The following INF2 variants were observed in gnomAD, a reference collection of about 807,000 sequenced individuals.
The protein encoded by INF2 is inverted formin-2.
In INF2, 43 loss-of-function variants were observed where a neutral mutation model predicts 123.5. The ratio of observed to expected loss-of-function variants is 0.35; its 90% CI spans 0.27 to 0.45. The LOEUF is 0.45. INF2 is among the 20% of genes least tolerant of loss of function. The probability of loss-of-function intolerance (pLI) is 1.00; values close to 1 mark genes in which losing one functional copy is unlikely to be tolerated. For synonymous variants in INF2, 851 were observed against 745.0 expected, an observed-to-expected ratio of 1.14 and a Z score of -2.32; for missense variants, 1,453 against 1,682.7, an observed-to-expected ratio of 0.86 and a Z score of 2.39.
chr14:104,714,275 C>T lies in INF2; in HGVS notation c.3113C>T (p.Ala1038Val). 6.3e-7 allele frequency: 1 copy of T among 1,595,028 alleles called. No individual in the cohort carries two copies. The highest frequency in any genetic ancestry group is 8.5e-7 in the Non-Finnish European group (1 of 1,172,376). The part of the protein sequence containing the change: ...RCPASEPGLD[A>V]TTASESRGWD... ...CCCGCCTCTGAGCCCGGCCTTGATG[C>T]TACAACAGCCAGCGAGTCCCGGGGC... is the stretch of plus-strand genomic sequence containing the variant. Residue 1038 changes from alanine (A) to valine (V), a missense_variant, in exon 21 of 23, where the codon GCT becomes GTT. Physicochemically the swap from Ala to Val is moderately conservative, Grantham distance 64. Transcript: ENST00000392634.
upstream of INF2, among the ~76,000 whole-genome samples, chr14:104,686,088 G>A (rs1365676232): frequency 3.3e-5 from 5 of 150,418 alleles, no homozygotes; most frequent in South Asian, 2.1e-4. Context: ...TGGATCAGTC[G>A]GTGGGTAGGT....
intron 22 of INF2, among the ~76,000 whole-genome samples, chr14:104,717,170 G>C (rs1424406926): frequency 1.3e-5 from 2 of 152,200 alleles, no homozygotes; most frequent in Admixed American, 1.3e-4. Flanking sequence ...TCATGGCACT[G>C]GAGCCCTAAA....
Position 104,718,936 on chromosome 14 carries a change from C to T in INF2, c.*143C>T. 2.7e-6 allele frequency: 4 copies of T among 1,457,350 alleles called. No homozygotes were observed. The highest frequency in any genetic ancestry group is 3.6e-6 in the Non-Finnish European group (4 of 1,110,204). 90.3% of individuals were successfully genotyped at this position (1,457,350 alleles called of 1,614,324 possible). On this transcript the variant is annotated 3_prime_UTR_variant, in exon 23 of 23. Transcript: ENST00000392634. Reference sequence around the variant, plus strand: ...CTCCGTGCCTTACCCAGCCGGGGCCCTCCTGGAGCCTTCTTGGGGTGTTGT... The same window carrying T: ...CTCCGTGCCTTACCCAGCCGGGGCCTTCCTGGAGCCTTCTTGGGGTGTTGT...
chr14:104,685,306 C>T (rs1299507961), upstream of INF2, among the ~76,000 whole-genome samples: 1 of 152,134 alleles, frequency 6.6e-6, no homozygotes, highest in Non-Finnish European at 1.5e-5. Context: ...CTACCTCCTG[C>T]AGCCAGACAC....
At position 104,706,922 on chromosome 14, in the gene INF2, C is replaced by T. The variant is rs1281457965; in HGVS notation, c.856C>T (p.Pro286Ser). ...CTCGCCCGTCCAGGTGAGCTGCTCC[C>T]CGGTGTCTGCCCAGCTCCTGTCGGT... is the stretch of plus-strand genomic sequence containing the variant. Reference protein sequence around the residue: ...ASLFHKVSCSPVSAQLLSVLQ... With the variant: ...ASLFHKVSCSSVSAQLLSVLQ... Residue 286 changes from proline (P) to serine (S), a missense_variant, in exon 7 of 23, where the codon CCG becomes TCG. By Grantham distance (74) the Pro-to-Ser change is moderately conservative (BLOSUM62 -1). Transcript: ENST00000392634. The T allele has an allele frequency of 6.2e-7, 1 of 1,604,350 alleles. No homozygotes were observed. Among genetic ancestry groups the T allele is most frequent in the Non-Finnish European group, 8.5e-7 (1 of 1,179,340 alleles).
rs1172388297 is a variant in INF2, at chr14:104,719,088, G to C, written c.*295G>C. 1.8e-6 allele frequency: 1 copy of C among 550,856 alleles called. No individual in the cohort carries two copies. The highest frequency in any genetic ancestry group is 3.2e-5 in the East Asian group (1 of 31,070). The allele number at this position is 550,856 out of a possible 1,614,324, so 34.1% of individuals were successfully genotyped here. ...CCCACACCCGCATGCGCCCGGTGCA[G>C]CCTGCCAAGGGCCAGTCGGGGGGTG... is the stretch of plus-strand genomic sequence containing the variant. On this transcript the variant is annotated 3_prime_UTR_variant, in exon 23 of 23. Transcript: ENST00000392634.
chr14:104,697,195 C>T (rs7140154), intron 1 of INF2, among the ~76,000 whole-genome samples: 51,458 of 152,196 alleles, frequency 0.34, 11,598 homozygotes, highest in African/African-American at 0.63. Flanking sequence ...CCTCCAGGCC[C>T]ATTGGTGCTG....
chr14:104,701,378 G>A lies in INF2; in HGVS notation c.13G>A (p.Glu5Lys). The A allele has an allele frequency of 6.3e-7, 1 of 1,584,944 alleles. No individual in the cohort carries two copies. The highest frequency in any genetic ancestry group is 8.6e-7 in the Non-Finnish European group (1 of 1,164,846). The change falls in exon 2 of 23, where the codon GAG becomes AAG. Residue 5 changes from glutamate to lysine, a missense_variant. By Grantham distance (56) the Glu-to-Lys change is moderately conservative. Coordinates refer to ENST00000392634, the MANE Select transcript of INF2 (RefSeq NM_022489.4). Reference sequence around the variant, plus strand: ...GCAGCTCGGCAAGATGTCGGTGAAGGAGGGCGCACAGCGCAAGTGGGCAGC... The same window carrying A: ...GCAGCTCGGCAAGATGTCGGTGAAGAAGGGCGCACAGCGCAAGTGGGCAGC... MSVK[E>K]GAQRKWAALK...
rs1890512979 is a variant in INF2, at chr14:104,720,494, C to A, written c.*1701C>A. On this transcript the variant is annotated 3_prime_UTR_variant, in exon 23 of 23. Coordinates refer to ENST00000392634, the MANE Select transcript of INF2 (RefSeq NM_022489.4). Reference sequence around the variant, plus strand: ...CTGCGTCGTCCTCGTGTGGATGCTGCTGTGGACATCTGCGTAGTCTCGTGT... The same window carrying A: ...CTGCGTCGTCCTCGTGTGGATGCTGATGTGGACATCTGCGTAGTCTCGTGT... The A allele has an allele frequency of 1.8e-5, 1 of 55,680 alleles. No individual in the cohort carries two copies. The highest frequency in any genetic ancestry group is 2.8e-5 in the Non-Finnish European group (1 of 35,168). The allele number at this position is 55,680 out of a possible 1,614,324, so 3.4% of individuals were successfully genotyped here. A position where few individuals can be genotyped will look rare whatever the true frequency, so the allele number is the denominator to read the frequency against.
intron 8 of INF2, 131 bp from the exon 9 acceptor site, chr14:104,708,305 C>T (rs766914382): frequency 5.4e-5 from 65 of 1,213,674 alleles, no homozygotes; most frequent in South Asian, 1.4e-4. Flanking sequence ...GCCTGCTGTA[C>T]GCTGGACCTG....
At position 104,713,452 on chromosome 14, in the gene INF2, G is replaced by C. The variant is rs768809327; in HGVS notation, c.2886G>C (p.Lys962Asn). ...GTGCCCCACGCTCCTCAGTCAGGAA[G>C]GGGCCCGGGAAGCAGGAGGAGGTGT... The part of the protein sequence containing the change: ...PRGEDGKPVR[K>N]GPGKQEEVCV... The change falls in exon 20 of 23, where the codon AAG becomes AAC. Residue 962 changes from lysine (K) to asparagine (N), a missense_variant. By Grantham distance (94) the Lys-to-Asn change is moderately conservative (BLOSUM62 0). Around this residue, in one of 8 missense-constraint regions of INF2, gnomAD observed 212 missense variants for 266.2 expected, o/e 0.80. Coordinates refer to ENST00000392634, the MANE Select transcript of INF2 (RefSeq NM_022489.4). The C allele has an allele frequency of 6.8e-6, 11 of 1,610,624 alleles. No homozygotes were observed. Among genetic ancestry groups the C allele is most frequent in the Non-Finnish European group, 9.3e-6 (11 of 1,179,090 alleles).
At chr14:104,710,904 A>G (rs1489918977) in intron 13 of INF2, 33 bp from the exon 14 acceptor site, 1 of 1,600,436 alleles carries the variant, frequency 6.2e-7, no homozygotes, top group Non-Finnish European at 8.5e-7. Flanking sequence ...CTCCGAACCA[A>G]GAGCCCCTCT....
intron 8 of INF2, 137 bp from the exon 9 acceptor site, chr14:104,708,299 G>C (rs1271732881): frequency 1.8e-6 from 2 of 1,141,306 alleles, no homozygotes; most frequent in Non-Finnish European, 2.5e-6. Context: ...TAGGGTGCCT[G>C]CTGTACGCTG....
At chr14:104,685,091 C>T (rs528822449), upstream of INF2, among the ~76,000 whole-genome samples, 10 of 152,236 alleles carry the variant, frequency 6.6e-5, no homozygotes, top group African/African-American at 2.2e-4. Flanking sequence ...TACATTTTAG[C>T]GAGTAGGCAA....
Position 104,684,116 on chromosome 14 carries a change from G to A in INF2, c.-104+2534G>A. The A allele has an allele frequency of 2.2e-6, 1 of 456,020 alleles. No individual in the cohort carries two copies. Among genetic ancestry groups the A allele is most frequent in the South Asian group, 1.5e-5 (1 of 64,560 alleles). 28.2% of individuals were successfully genotyped at this position (456,020 alleles called of 1,614,324 possible). A position where few individuals can be genotyped will look rare whatever the true frequency, so the allele number is the denominator to read the frequency against. ...TGGCACGGACCCCCGACATAAGACA[G>A]TTCAAAGCTGAGCGGCTCTCCCCAT... On this transcript the variant is annotated intron_variant, in intron 1 of 2. Coordinates refer to the INF2 transcript ENST00000674723. This position sits in a 1 kb window ranked among gnomAD's most constrained non-coding sequence, Gnocchi z 5.0.
chr14:104,686,057 A>C (rs1888654907), upstream of INF2, among the ~76,000 whole-genome samples: 1 of 141,584 alleles, frequency 7.1e-6, no homozygotes, highest in Non-Finnish European at 1.5e-5. Context: ...ATAGATGGGC[A>C]GATGGATGGA....
chr14:104,714,764 C>T lies in INF2; in HGVS notation c.3602C>T (p.Ser1201Phe), dbSNP rs1235517512. ...TTCTCCGAGGATGCGGTGACCGACT[C>T]CTCGGGGTCGGGCACACTCCCCAGG... is the stretch of plus-strand genomic sequence containing the variant. Reference protein sequence around the residue: ...KSFSEDAVTDSSGSGTLPRAR... With the variant: ...KSFSEDAVTDFSGSGTLPRAR... The change falls in exon 21 of 23, where the codon TCC becomes TTC. Residue 1201 changes from serine to phenylalanine, a missense_variant. Around this residue, in one of 8 missense-constraint regions of INF2, gnomAD observed 344 missense variants for 333.1 expected, o/e 1.03. Transcript: ENST00000392634. 7 of 1,600,184 alleles carry T rather than the reference C, an allele frequency of 4.4e-6. No individual in the cohort carries two copies. The highest frequency in any genetic ancestry group is 5.1e-6 in the Non-Finnish European group (6 of 1,174,268).
rs769955462 is a variant in INF2, at chr14:104,714,707, A to G, written c.3545A>G (p.Glu1182Gly). The G allele has an allele frequency of 6.2e-7, 1 of 1,610,078 alleles. No individual in the cohort carries two copies. Among genetic ancestry groups the G allele is most frequent in the Non-Finnish European group, 8.5e-7 (1 of 1,178,090 alleles). Reference protein sequence around the residue: ...EDEDEEDTAPESALDTSLDKS... With the variant: ...EDEDEEDTAPGSALDTSLDKS... The stretch of plus-strand genomic sequence containing the variant: ...GAGGACGAGGAGGACACGGCCCCAG[A>G]GTCCGCACTGGACACATCCCTGGAC... The change falls in exon 21 of 23, where the codon GAG becomes GGG. Residue 1182 changes from glutamate (E) to glycine (G), a missense_variant. Transcript: ENST00000392634.
rs146335091 is a variant in INF2 at position 104,684,180 on chromosome 14, G to T, written c.-104+2598G>T. The T allele has an allele frequency of 2.9e-5, 13 of 455,108 alleles. No individual in the cohort carries two copies. Among genetic ancestry groups the T allele is most frequent in the Non-Finnish European group, 4.9e-5 (11 of 226,232 alleles). 28.2% of individuals were successfully genotyped at this position (455,108 alleles called of 1,614,324 possible). ...TGCGTGCCGCCACGGGAAACAGCAC[G>T]CATCCCATCTGGACTCCCACCAGAC... On this transcript the variant is annotated intron_variant, in intron 1 of 2. Transcript: ENST00000674723. This position sits in a 1 kb window ranked among gnomAD's most constrained non-coding sequence, Gnocchi z 5.0.
Sources: gnomAD v4.1 joint callset for allele counts (sites outside exome capture counted in the v4.1 genomes callset) on GRCh38, gnomAD v4.1.1 for gene constraint, gnomAD v4.1.1 regional missense constraint, Gnocchi (gnomAD v3.1) non-coding constraint, MANE v1.5 for transcripts, NCBI Gene and HGNC (gene_info 2026-07-23, HGNC 2026-07-21) for gene names.